The following GSE1 variants were observed in gnomAD, a reference collection of about 807,000 sequenced individuals.
GSE1 encodes the protein Gse1 coiled-coil protein.
In GSE1, 32 loss-of-function variants were observed where a neutral mutation model predicts 112.6. The ratio of observed to expected loss-of-function variants is 0.28; its 90% confidence interval spans 0.21 to 0.38. The LOEUF (loss-of-function observed/expected upper bound fraction) is 0.38, where lower values mean the gene tolerates loss of function less well. GSE1 is among the 10% of genes least tolerant of loss of function. GSE1 has a pLI of 1.00. For missense variants in GSE1, 2,348 were observed against 1,699.2 expected, an observed-to-expected ratio of 1.38 and a Z score of -6.71; for synonymous variants, 1,115 against 735.6, an observed-to-expected ratio of 1.52 and a Z score of -8.35.
At chr16:85,475,051 C>T (rs1051307115) in intron 2 of GSE1, among the ~76,000 whole-genome samples, 2 of 152,136 alleles carry the variant, frequency 1.3e-5, no homozygotes, top group African/African-American at 4.8e-5. Flanking sequence ...TAATGTGGCC[C>T]AGGGACGATA....
At chr16:85,205,922 C>G (rs1177867189) in intron 1 of GSE1, among the ~76,000 whole-genome samples, 1 of 152,208 alleles carries the variant, frequency 6.6e-6, no homozygotes, top group African/African-American at 2.4e-5. Flanking sequence ...AAGACAGAAA[C>G]GTGGTGTGCA....
intron 1 of GSE1, among the ~76,000 whole-genome samples, chr16:85,297,854 G>A (rs1331479449): frequency 6.6e-6 from 1 of 152,106 alleles, no homozygotes; most frequent in Non-Finnish European, 1.5e-5. Flanking sequence ...CTCTGTTGCT[G>A]GGATATGAAA....
At chr16:85,324,248 G>A (rs955500698) in intron 1 of GSE1, among the ~76,000 whole-genome samples, 1 of 152,204 alleles carries the variant, frequency 6.6e-6, no homozygotes, top group Non-Finnish European at 1.5e-5. Context: ...AGTGGCTCAC[G>A]CCTGTAATCC....
intron 11 of GSE1, 60 bp from the exon 12 acceptor site, chr16:85,664,955 G>A: frequency 8.7e-7 from 1 of 1,146,374 alleles, no homozygotes; most frequent in South Asian, 1.2e-5. Flanking sequence ...GAATCCCGCT[G>A]TCCTTCTCTC....
intron 1 of GSE1, among the ~76,000 whole-genome samples, chr16:85,606,006 A>G (rs2047687829): frequency 6.6e-6 from 1 of 152,086 alleles, no homozygotes; most frequent in South Asian, 2.1e-4. Flanking sequence ...TTGAGTTGAC[A>G]TCATTGAAAG....
chr16:85,512,387 G>A (rs2051777291), intron 2 of GSE1, among the ~76,000 whole-genome samples: 3 of 152,204 alleles, frequency 2.0e-5, no homozygotes, highest in African/African-American at 7.2e-5. Context: ...GGGTTCTCCA[G>A]AAGGGACTCC....
intron 1 of GSE1, among the ~76,000 whole-genome samples, chr16:85,574,450 C>A (rs1272923291): frequency 1.3e-5 from 2 of 152,224 alleles, no homozygotes; most frequent in Non-Finnish European, 2.9e-5. Context: ...CCCATCAAAA[C>A]CCGAGGCTTA....
At chr16:85,313,683 C>T (rs1567681921) in intron 1 of GSE1, among the ~76,000 whole-genome samples, 1 of 152,182 alleles carries the variant, frequency 6.6e-6, no homozygotes, top group African/African-American at 2.4e-5. Context: ...TCTGGGCGGT[C>T]AGAACAGGCT....
chr16:85,591,827 C>T (rs532299193), intron 1 of GSE1, among the ~76,000 whole-genome samples: 25 of 152,360 alleles, frequency 1.6e-4, no homozygotes, highest in Non-Finnish European at 2.6e-4. Flanking sequence ...ACAAAAATCC[C>T]GTGTTCCTGG....
intron 1 of GSE1, among the ~76,000 whole-genome samples, chr16:85,244,067 C>T (rs1014931859): frequency 2.6e-5 from 4 of 151,964 alleles, no homozygotes; most frequent in African/African-American, 7.3e-5. Context: ...CAGAGGTTGC[C>T]GTGAGCGGAG....
Position 85,513,483 on chromosome 16 carries a change from AC to A in GSE1, c.2465-120425del, listed in dbSNP as rs576985420. 1.4e-3 allele frequency among the ~76,000 whole-genome samples: 206 copies of A among 151,496 alleles called. 1 individual carries two copies. The highest frequency in any genetic ancestry group is 4.8e-3 in the African/African-American group (198 of 41,246). ...CCACTGTGGGGGGCTCCTGCAGGCTACCCCCCTCACCGCTCACGCACCCAAC... is the reference window on the plus strand; with the variant it reads ...CCACTGTGGGGGGCTCCTGCAGGCTACCCCCTCACCGCTCACGCACCCAAC... On this transcript the variant is annotated intron_variant, in intron 2 of 2. Coordinates refer to the GSE1 transcript ENST00000637419.
chr16:85,410,335 TG>T (rs2048482661), intron 2 of GSE1, among the ~76,000 whole-genome samples: 1 of 17,334 alleles, frequency 5.8e-5, no homozygotes, highest in Non-Finnish European at 1.0e-4. Flanking sequence ...CAGGCCCCCC[TG>T]GATAATCCTC....
chr16:85,494,200 A>G (rs1372728224), intron 2 of GSE1, among the ~76,000 whole-genome samples: 2 of 152,264 alleles, frequency 1.3e-5, no homozygotes, highest in Non-Finnish European at 1.5e-5. Context: ...AAGTCAAGGC[A>G]TCAGCAGGGC....
intron 2 of GSE1, among the ~76,000 whole-genome samples, chr16:85,636,654 G>T (rs1456776337): frequency 2.0e-5 from 3 of 150,542 alleles, no homozygotes; most frequent in Non-Finnish European, 4.4e-5. Context: ...AGCGGGTGGG[G>T]TCGTGTCCGT....
upstream of GSE1, chr16:85,554,917 C>T (rs886096674): frequency 4.1e-6 from 4 of 985,300 alleles, no homozygotes; most frequent in African/African-American, 7.0e-5. Flanking sequence ...GGGGAGCACC[C>T]TGCCTTCGGC....
intron 2 of GSE1, among the ~76,000 whole-genome samples, chr16:85,462,485 C>A (rs1235442235): frequency 6.6e-6 from 1 of 151,902 alleles, no homozygotes; most frequent in East Asian, 1.9e-4. Flanking sequence ...GGAGCCCCAG[C>A]CCTGGGGATG....
chr16:85,355,951 C>G (rs909941796), intron 1 of GSE1, among the ~76,000 whole-genome samples: 2 of 152,150 alleles, frequency 1.3e-5, no homozygotes, highest in Non-Finnish European at 2.9e-5. Flanking sequence ...CACTTGAACA[C>G]AGGAGGTGGA....
At chr16:85,171,752 G>A in exon 1 of GSE1, 1 of 985,600 alleles carries the variant, frequency 1.0e-6, no homozygotes, top group South Asian at 4.7e-5. Context: ...GCGGGCCAAG[G>A]GCTCACCCGC....
intron 1 of GSE1, among the ~76,000 whole-genome samples, chr16:85,573,358 A>G (rs1051436902): frequency 1.3e-5 from 2 of 152,040 alleles, no homozygotes; most frequent in African/African-American, 2.4e-5. Flanking sequence ...CTGTTTCTCC[A>G]TGCATCTGTT....
Sources: allele counts gnomAD v4.1 joint callset (sites outside exome capture counted in the v4.1 genomes callset), GRCh38; gene constraint gnomAD v4.1.1; transcripts MANE v1.5; gene names NCBI Gene and HGNC (gene_info 2026-07-23, HGNC 2026-07-21).